Variants in ERC2 observed in about 807,000 individuals in gnomAD.
ERC2 encodes ERC protein 2.
In ERC2, 42 loss-of-function variants were observed where a neutral mutation model predicts 114.8. That is an observed-to-expected ratio of 0.37 (90% confidence interval 0.29 to 0.47). The LOEUF is 0.47. Among genes scored for constraint, ERC2 ranks in the 20% least tolerant of loss-of-function variants. The pLI is 0.99. For synonymous variants in ERC2, 454 were observed against 425.5 expected (o/e 1.07, Z -0.82); for missense variants, 939 against 1,150.7 (o/e 0.82, Z 2.66).
At chr3:56,141,435 A>T (rs1229800413) in intron 5 of ERC2, among the ~76,000 whole-genome samples, 1 of 152,190 alleles carries the variant, frequency 6.6e-6, no homozygotes, top group African/African-American at 2.4e-5. Context: ...CCACCCTGTG[A>T]CCACCATGGT....
chr3:55,517,996 G>A (rs574207791), intron 17 of ERC2, among the ~76,000 whole-genome samples: 3 of 152,194 alleles, frequency 2.0e-5, no homozygotes, highest in Admixed American at 6.5e-5. Context: ...TTGGTACTAC[G>A]GCCATGTGGG....
chr3:56,027,268 T>A lies in ERC2; in HGVS notation c.1642-8237A>T, dbSNP rs530827779. Among the ~76,000 whole-genome samples, 16 of 152,372 alleles carry A rather than the reference T, an allele frequency of 1.1e-4. No individual in the cohort carries two copies. The South Asian group carries it at 3.3e-3, about 32-fold the overall frequency. The stretch of plus-strand genomic sequence containing the variant: ...TTGGGCTGTTACAAATAAACGACTA[T>A]GAACATTCAACTACGGGTTTTATTT... On this transcript the variant is annotated intron_variant, in intron 7 of 17. Coordinates refer to ENST00000288221, the MANE Select transcript of ERC2 (RefSeq NM_015576.3).
chr3:55,955,407 T>G (rs899195082), intron 12 of ERC2, among the ~76,000 whole-genome samples: 7 of 152,138 alleles, frequency 4.6e-5, no homozygotes, highest in Non-Finnish European at 8.8e-5. Context: ...CCTTCCCTCT[T>G]CCCAGAAGTG....
At chr3:55,828,199 T>C (rs1285178560) in intron 14 of ERC2, among the ~76,000 whole-genome samples, 1 of 152,264 alleles carries the variant, frequency 6.6e-6, no homozygotes, top group Non-Finnish European at 1.5e-5. Flanking sequence ...TTGCTGGCCA[T>C]GGTGGAGTGG....
At position 56,227,911 on chromosome 3, in the gene ERC2, T is replaced by C. The variant is rs574305819; in HGVS notation, c.1075-54391A>G. On this transcript the variant is annotated intron_variant, in intron 3 of 17. Transcript: ENST00000288221. ...GGGACTGGATAAGCAAGTTGTGGTA[T>C]ATTCACATAATGGGAAATTGCACAA... Among the ~76,000 whole-genome samples, 5 of 152,238 alleles carry C rather than the reference T, an allele frequency of 3.3e-5. No individual in the cohort carries two copies. The South Asian group carries it at 1.0e-3, about 32-fold the overall frequency.
At chr3:56,270,676 G>T (rs373917710) in intron 3 of ERC2, among the ~76,000 whole-genome samples, 3 of 152,104 alleles carry the variant, frequency 2.0e-5, no homozygotes, top group East Asian at 3.9e-4. Flanking sequence ...CTGAAAACAA[G>T]GCCTATAAAA....
chr3:56,014,031 T>C (rs1055388566), intron 8 of ERC2, among the ~76,000 whole-genome samples: 1 of 152,160 alleles, frequency 6.6e-6, no homozygotes, highest in Non-Finnish European at 1.5e-5. Flanking sequence ...GGCATTCTGA[T>C]TTTGGCACCT....
intron 14 of ERC2, among the ~76,000 whole-genome samples, chr3:55,756,548 A>T (rs2067070510): frequency 6.6e-6 from 1 of 152,210 alleles, no homozygotes; most frequent in Non-Finnish European, 1.5e-5. Flanking sequence ...TTTCAAAATT[A>T]AAAATCTCAG....
At chr3:55,755,309 G>A (rs183855857) in intron 14 of ERC2, among the ~76,000 whole-genome samples, 12 of 152,200 alleles carry the variant, frequency 7.9e-5, no homozygotes, top group Non-Finnish European at 1.6e-4. Flanking sequence ...GAGAGGCACA[G>A]GTTGAGTAAC....
At chr3:55,879,388 G>A (rs1162574590) in intron 14 of ERC2, among the ~76,000 whole-genome samples, 3 of 152,100 alleles carry the variant, frequency 2.0e-5, no homozygotes, top group Non-Finnish European at 2.9e-5. Context: ...AGTCATCTGA[G>A]GCAGCATGAA....
intron 2 of ERC2, among the ~76,000 whole-genome samples, chr3:56,359,351 G>T (rs955562971): frequency 2.0e-5 from 3 of 152,152 alleles, no homozygotes; most frequent in Non-Finnish European, 2.9e-5. Context: ...AAGCAAAAAT[G>T]AAAAAGAAAG....
In ERC2 at chr3:56,033,766, C is replaced by T. The variant is rs140073722; in HGVS notation, c.1642-14735G>A. ...CATTACAAGATTTGAATCATGTAAT[C>T]ATCCCTCTCAGCCTACAAGATTTCT... On this transcript the variant is annotated intron_variant, in intron 7 of 17. Transcript: ENST00000288221. Among the ~76,000 whole-genome samples, 18 of 152,234 alleles carry T rather than the reference C, an allele frequency of 1.2e-4. No individual in the cohort carries two copies. In the East Asian group the frequency reaches 2.7e-3, roughly 23 times the overall value.
chr3:56,123,016 T>C (rs1254946341), intron 6 of ERC2, among the ~76,000 whole-genome samples: 1 of 152,202 alleles, frequency 6.6e-6, no homozygotes, highest in African/African-American at 2.4e-5. Flanking sequence ...TACCATTCAA[T>C]ACACATCTCT....
At chr3:55,536,474 G>GA (rs2054007030) in intron 17 of ERC2, among the ~76,000 whole-genome samples, 2 of 152,196 alleles carry the variant, frequency 1.3e-5, no homozygotes, top group South Asian at 4.1e-4. Flanking sequence ...CACTGTGCCT[G>GA]ATACAGAGTA....
chr3:56,352,067 A>C (rs7652941), intron 2 of ERC2, among the ~76,000 whole-genome samples: 10,193 of 152,278 alleles, frequency 0.067, 509 homozygotes, highest in Admixed American at 0.15. Flanking sequence ...TTTGCATGCC[A>C]CAATGAGATC....
intron 16 of ERC2, among the ~76,000 whole-genome samples, chr3:55,684,122 C>T (rs1316673483): frequency 6.6e-6 from 1 of 152,078 alleles, no homozygotes; most frequent in Non-Finnish European, 1.5e-5. Flanking sequence ...GTGTCAAAAT[C>T]GGATTAGAAG....
chr3:56,228,716 A>C (rs2050410477), intron 3 of ERC2, among the ~76,000 whole-genome samples: 1 of 152,194 alleles, frequency 6.6e-6, no homozygotes, highest in Non-Finnish European at 1.5e-5. Flanking sequence ...ATGTACCCAG[A>C]GGGTATAAAA....
In ERC2 at chr3:55,843,797, T is replaced by G. The variant is rs9831205; in HGVS notation, c.2564+44592A>C. On this transcript the variant is annotated intron_variant, in intron 14 of 17. Coordinates refer to ENST00000288221, the MANE Select transcript of ERC2 (RefSeq NM_015576.3). Reference sequence around the variant, plus strand: ...TTTGCAAAGGCTCCAGTTGTTACACTAAAATCACACTGGATCATATTAGCT... The same window carrying G: ...TTTGCAAAGGCTCCAGTTGTTACACGAAAATCACACTGGATCATATTAGCT... Among the ~76,000 whole-genome samples the G allele has an allele frequency of 5.6e-3, 849 of 152,332 alleles. 9 individuals carry two copies. Among genetic ancestry groups the G allele is most frequent in the African/African-American group, 0.02 (814 of 41,580 alleles).
chr3:56,255,548 C>T (rs2150244885), intron 3 of ERC2, among the ~76,000 whole-genome samples: 1 of 152,286 alleles, frequency 6.6e-6, no homozygotes, highest in South Asian at 2.1e-4. Context: ...AGCTCATTTA[C>T]CCTGCTTCTC....
Sources: allele counts gnomAD v4.1 joint callset (sites outside exome capture counted in the v4.1 genomes callset), GRCh38; gene constraint gnomAD v4.1.1; transcripts MANE v1.5; gene names NCBI Gene and HGNC (gene_info 2026-07-23, HGNC 2026-07-21).